CIRSR: variants seen among roughly 807,000 people sequenced by gnomAD.
CIRSR encodes the protein CBF1 (RBPJ) interacting corepressor 1.
the CIRSR span, among the ~76,000 whole-genome samples, chr2:174,360,099 T>C: frequency 4.6e-5 from 7 of 152,138 alleles, no homozygotes; most frequent in African/African-American, 1.7e-4. Context: ...TTAGGAGAAA[T>C]ACCTAATGTA....
the CIRSR span, chr2:174,380,136 C>A: frequency 3.5e-6 from 4 of 1,136,800 alleles, no homozygotes; most frequent in African/African-American, 6.3e-5. Flanking sequence ...ACCTTTTAGA[C>A]AACAATATAA....
At chr2:174,394,726 C>A in the CIRSR span, among the ~76,000 whole-genome samples, 1 of 152,178 alleles carries the variant, frequency 6.6e-6, no homozygotes, top group African/African-American at 2.4e-5. Context: ...CTCATCACCT[C>A]AACTCGTTCT....
the CIRSR span, chr2:174,387,515 A>G: frequency 5.2e-4 from 301 of 583,196 alleles, 2 homozygotes; most frequent in Non-Finnish European, 6.7e-4. Context: ...AAAGCTGGAA[A>G]AAGTGGTCAT....
the CIRSR span, among the ~76,000 whole-genome samples, chr2:174,367,189 T>C: frequency 6.6e-6 from 1 of 152,170 alleles, no homozygotes; most frequent in East Asian, 1.9e-4. Flanking sequence ...CTCACACCTG[T>C]AATCCCAGTG....
the CIRSR span, chr2:174,395,450 G>T: frequency 8.6e-7 from 1 of 1,160,514 alleles, no homozygotes; most frequent in South Asian, 1.3e-5. Flanking sequence ...AGAAGCGGAG[G>T]CTGTCCTAGG....
chr2:174,383,848 C>A, the CIRSR span, among the ~76,000 whole-genome samples: 6 of 85,822 alleles, frequency 7.0e-5, no homozygotes, highest in Non-Finnish European at 1.5e-4. Context: ...TAGCTATCTT[C>A]CAAAAAAAAA....
At chr2:174,388,971 A>G in the CIRSR span, among the ~76,000 whole-genome samples, 1 of 152,308 alleles carries the variant, frequency 6.6e-6, no homozygotes, top group Non-Finnish European at 1.5e-5. Context: ...CCATGTGAGG[A>G]AGGACATGTT....
chr2:174,379,437 A>G, the CIRSR span, among the ~76,000 whole-genome samples: 1 of 152,314 alleles, frequency 6.6e-6, no homozygotes, highest in African/African-American at 2.4e-5. Context: ...AATGTAGTCA[A>G]TATTTTAGGC....
At chr2:174,394,574 A>G in the CIRSR span, among the ~76,000 whole-genome samples, 4 of 152,198 alleles carry the variant, frequency 2.6e-5, no homozygotes, top group African/African-American at 9.7e-5. Context: ...TGATTACCAA[A>G]GAGCTTTCAA....
the CIRSR span, among the ~76,000 whole-genome samples, chr2:174,391,467 G>GT: frequency 6.6e-6 from 1 of 152,166 alleles, no homozygotes; most frequent in East Asian, 1.9e-4. Flanking sequence ...GTGTGTATCT[G>GT]TAATCCCAGC....
the CIRSR span, chr2:174,378,690 T>C: frequency 2.2e-5 from 11 of 498,160 alleles, no homozygotes; most frequent in African/African-American, 1.2e-4. Context: ...ACTTAGTTCA[T>C]AGGGCCTTTG....
At chr2:174,393,353 GC>G in the CIRSR span, among the ~76,000 whole-genome samples, 2 of 152,166 alleles carry the variant, frequency 1.3e-5, no homozygotes, top group Non-Finnish European at 2.9e-5. Flanking sequence ...AGAGTGACCA[GC>G]AGATATACAG....
the CIRSR span, among the ~76,000 whole-genome samples, chr2:174,385,646 G>C: frequency 6.6e-6 from 1 of 151,798 alleles, no homozygotes; most frequent in South Asian, 2.1e-4. Flanking sequence ...AACAAAACAG[G>C]GTTGGTGCAT....
the CIRSR span, among the ~76,000 whole-genome samples, chr2:174,383,202 T>C: frequency 6.6e-6 from 1 of 152,268 alleles, no homozygotes; most frequent in East Asian, 1.9e-4. Flanking sequence ...GGTAAATCTA[T>C]AGAGACAGCA....
the CIRSR span, among the ~76,000 whole-genome samples, chr2:174,359,351 AAG>A: frequency 1.3e-5 from 2 of 151,218 alleles, no homozygotes; most frequent in Admixed American, 6.6e-5. Flanking sequence ...AAAAAAAAAA[AAG>A]AGATTTTAAA....
chr2:174,351,656 A>C, the CIRSR span: 1 of 1,613,974 alleles, frequency 6.2e-7, no homozygotes, highest in Non-Finnish European at 8.5e-7. Context: ...TCTCCCCAGT[A>C]CATTTCGTTT....
At chr2:174,385,970 CAG>C in the CIRSR span, among the ~76,000 whole-genome samples, 3 of 152,164 alleles carry the variant, frequency 2.0e-5, no homozygotes, top group Non-Finnish European at 2.9e-5. Flanking sequence ...CAAGGAGAAA[CAG>C]GGTATTTGCA....
chr2:174,353,624 T>G, the CIRSR span, among the ~76,000 whole-genome samples: 1 of 152,120 alleles, frequency 6.6e-6, no homozygotes, highest in East Asian at 1.9e-4. Context: ...ACTGCCACCA[T>G]GCCTGGCTAA....
the CIRSR span, among the ~76,000 whole-genome samples, chr2:174,362,685 TCAAAAAA>T: frequency 4.8e-5 from 4 of 83,994 alleles, 1 homozygote; most frequent in Non-Finnish European, 1.9e-5. Flanking sequence ...AGACTCTGCC[TCAAAAAA>T]AAAAAAAAAA....
Sources: allele counts gnomAD v4.1 joint callset (sites outside exome capture counted in the v4.1 genomes callset), GRCh38; gene constraint gnomAD v4.1.1; transcripts MANE v1.5; gene names NCBI Gene and HGNC (gene_info 2026-07-23, HGNC 2026-07-21).